Variants in VMP1 observed in about 807,000 individuals in gnomAD.
VMP1 encodes vacuole membrane protein 1.
In VMP1, 11 loss-of-function variants were observed where a neutral mutation model predicts 56.0. That is an observed-to-expected ratio of 0.20 (90% CI 0.12 to 0.32). The LOEUF is 0.32. VMP1 is among the 10% of genes least tolerant of loss of function. The probability of loss-of-function intolerance (pLI) is 1.00; values close to 1 mark genes in which losing one functional copy is unlikely to be tolerated. For missense variants in VMP1, 296 were observed against 490.3 expected, an observed-to-expected ratio of 0.60 and a Z score of 3.74; for synonymous variants, 149 against 165.0, an observed-to-expected ratio of 0.90 and a Z score of 0.74.
At chr17:59,763,961 A>G (rs16943842) in intron 5 of VMP1, among the ~76,000 whole-genome samples, 5,617 of 152,256 alleles carry the variant, frequency 0.037, 373 homozygotes, top group African/African-American at 0.13. Flanking sequence ...CTATCAACCT[A>G]TGCTTAAGGG....
intron 5 of VMP1, among the ~76,000 whole-genome samples, chr17:59,755,741 G>GTTT (rs1342164251): frequency 4.5e-5 from 6 of 134,824 alleles, no homozygotes; most frequent in Non-Finnish European, 7.7e-5. Context: ...TTTGGTTTTT[G>GTTT]GTTTTTTTTT....
At chr17:59,727,806 G>A (rs1249447275) in intron 1 of VMP1, among the ~76,000 whole-genome samples, 2 of 152,148 alleles carry the variant, frequency 1.3e-5, no homozygotes, top group Admixed American at 1.3e-4. Flanking sequence ...ACATACACAT[G>A]CATACATAGA....
chr17:59,813,764 A>G (rs534451163), intron 9 of VMP1, among the ~76,000 whole-genome samples: 1 of 152,298 alleles, frequency 6.6e-6, no homozygotes, highest in South Asian at 2.1e-4. Flanking sequence ...ATTTTATTTC[A>G]TAACAAGAAC....
chr17:59,826,166 C>G (rs981481632), intron 10 of VMP1, among the ~76,000 whole-genome samples: 8 of 152,134 alleles, frequency 5.3e-5, no homozygotes, highest in African/African-American at 1.7e-4. Flanking sequence ...TTGGGAAAAC[C>G]CCTTTCTCTT....
At chr17:59,766,878 C>G (rs901816064) in intron 6 of VMP1, among the ~76,000 whole-genome samples, 6 of 151,900 alleles carry the variant, frequency 3.9e-5, no homozygotes, top group Admixed American at 6.6e-5. Flanking sequence ...CTCCCAGGTT[C>G]AAGCAATTCT....
At chr17:59,823,350 C>G (rs780957706) in intron 10 of VMP1, among the ~76,000 whole-genome samples, 1 of 151,216 alleles carries the variant, frequency 6.6e-6, no homozygotes, top group Non-Finnish European at 1.5e-5. Flanking sequence ...ATTTGGGAGG[C>G]TGAGGTAGGA....
At chr17:59,748,882 T>A (rs944619334) in intron 5 of VMP1, among the ~76,000 whole-genome samples, 6 of 141,476 alleles carry the variant, frequency 4.2e-5, no homozygotes, top group African/African-American at 1.6e-4. Flanking sequence ...AAATTTATTA[T>A]TATTATTATT....
At chr17:59,832,761 A>ATTTTTTTTT (rs71145580) in intron 10 of VMP1, among the ~76,000 whole-genome samples, 521 of 101,070 alleles carry the variant, frequency 5.2e-3, no homozygotes, top group Non-Finnish European at 6.5e-3. Flanking sequence ...GCCTGGCAAT[A>ATTTTTTTTT]TTTTTTTTTT....
chr17:59,764,314 C>T (rs2036157550), intron 5 of VMP1, among the ~76,000 whole-genome samples: 1 of 151,994 alleles, frequency 6.6e-6, no homozygotes, highest in African/African-American at 2.4e-5. Context: ...AGGGAATTGG[C>T]CACAGAGGAA....
At chr17:59,709,463 G>A (rs1241927492) in intron 1 of VMP1, among the ~76,000 whole-genome samples, 1 of 152,188 alleles carries the variant, frequency 6.6e-6, no homozygotes. Context: ...TCTAGATTGT[G>A]TTGATAAAAA....
At chr17:59,774,420 A>T (rs116683462) in intron 7 of VMP1, among the ~76,000 whole-genome samples, 62,613 of 144,266 alleles carry the variant, frequency 0.43, 14,736 homozygotes, top group Non-Finnish European at 0.56. Flanking sequence ...TCTAAAAAAA[A>T]AAAAGAAAGA....
At chr17:59,719,403 G>T (rs1322092731) in intron 1 of VMP1, among the ~76,000 whole-genome samples, 2 of 152,046 alleles carry the variant, frequency 1.3e-5, no homozygotes, top group African/African-American at 4.8e-5. Flanking sequence ...CTATCTTTGT[G>T]TGCCTTGTAT....
intron 10 of VMP1, among the ~76,000 whole-genome samples, chr17:59,836,956 C>A (rs771718080): frequency 6.6e-6 from 1 of 151,794 alleles, no homozygotes; most frequent in Non-Finnish European, 1.5e-5. Flanking sequence ...AATCCCAGCA[C>A]TTTGGGAGGC....
chr17:59,765,404 C>T (rs2136695), intron 6 of VMP1, among the ~76,000 whole-genome samples: 133,048 of 152,238 alleles, frequency 0.87, 58,397 homozygotes, highest in East Asian at 0.96. Flanking sequence ...ATGATGGAAC[C>T]ACAGTTGAGC....
chr17:59,722,913 A>G (rs2034455699), intron 1 of VMP1, among the ~76,000 whole-genome samples: 1 of 152,224 alleles, frequency 6.6e-6, no homozygotes, highest in Non-Finnish European at 1.5e-5. Context: ...CTCCTAAATC[A>G]CATTTTGGGG....
At chr17:59,741,438 G>T (rs1178889961) in intron 5 of VMP1, among the ~76,000 whole-genome samples, 1 of 152,064 alleles carries the variant, frequency 6.6e-6, no homozygotes, top group Admixed American at 6.6e-5. Flanking sequence ...GAAGACAAAA[G>T]ATGGTATAGA....
At chr17:59,739,592 C>G (rs935507741) in intron 5 of VMP1, among the ~76,000 whole-genome samples, 3 of 150,136 alleles carry the variant, frequency 2.0e-5, no homozygotes, top group Admixed American at 1.3e-4. Context: ...GACGTGGTGG[C>G]GGGTGCCTGT....
chr17:59,729,053 T>G (rs1482738557), intron 1 of VMP1, among the ~76,000 whole-genome samples: 2 of 152,354 alleles, frequency 1.3e-5, no homozygotes, highest in East Asian at 3.8e-4. Context: ...GTGACTGACT[T>G]CTTTCACTTA....
intron 7 of VMP1, among the ~76,000 whole-genome samples, chr17:59,792,043 A>C (rs1428123264): frequency 6.6e-6 from 1 of 152,110 alleles, no homozygotes; most frequent in Non-Finnish European, 1.5e-5. Context: ...ATACTGAGGT[A>C]GGAGGATCAC....
Sources: allele counts gnomAD v4.1 joint callset (sites outside exome capture counted in the v4.1 genomes callset), GRCh38; gene constraint gnomAD v4.1.1; transcripts MANE v1.5; gene names NCBI Gene and HGNC (gene_info 2026-07-23, HGNC 2026-07-21).